SF3B2: variants seen among roughly 807,000 people sequenced by gnomAD.
SF3B2 encodes the protein SAP 145.
A neutral mutation model predicts 116.3 loss-of-function variants in SF3B2; 22 were observed. That is an observed-to-expected ratio of 0.19 (90% CI 0.14 to 0.27). The LOEUF is 0.27. SF3B2 is among the 10% of genes least tolerant of loss of function. The pLI is 1.00. For missense variants in SF3B2, 767 were observed against 1,151.4 expected (o/e 0.67, Z 4.83); for synonymous variants, 406 against 421.6 (o/e 0.96, Z 0.45).
intron 7 of SF3B2, among the ~76,000 whole-genome samples, chr11:66,057,711 C>G (rs1857026178): frequency 6.6e-6 from 1 of 150,576 alleles, no homozygotes; most frequent in Admixed American, 6.6e-5. Flanking sequence ...TGCGGTGGCT[C>G]ACACCTGTAA....
chr11:66,062,384 C>G (rs999762138), intron 16 of SF3B2, among the ~76,000 whole-genome samples: 2 of 151,630 alleles, frequency 1.3e-5, no homozygotes, highest in African/African-American at 4.8e-5. Context: ...CACCTGTAAT[C>G]CCAGCACTTT....
rs1187320550 is a variant in SF3B2, at chr11:66,052,699, C to T, written c.160C>T (p.Leu54=). The stretch of plus-strand genomic sequence containing the variant: ...TAATCGCGAGGAGCTGGTGGAGCGG[C>T]TGCAGAGCTACACCCGCCAGGTAGG... ...QGNREELVER[L]QSYTRQTGIV... Residue 54 remains leucine (L), a synonymous_variant, in exon 2 of 22, where the codon CTG becomes TTG. Transcript: ENST00000322535. The T allele has an allele frequency of 6.3e-7, 1 of 1,585,892 alleles. No homozygotes were observed. The highest frequency in any genetic ancestry group is 1.4e-5 in the African/African-American group (1 of 73,800).
Position 66,055,590 on chromosome 11 carries a change from T to A in SF3B2, c.549+5T>A. The A allele has an allele frequency of 6.2e-7, 1 of 1,614,068 alleles. No individual in the cohort carries two copies. The highest frequency in any genetic ancestry group is 8.5e-7 in the Non-Finnish European group (1 of 1,179,922). The stretch of plus-strand genomic sequence containing the variant: ...CTCTTGGAGCAGCAGAAGCGGGTAA[T>A]ACCCCTCCCCCTAACCTTTGACCTC... On this transcript the variant is annotated splice_donor_5th_base_variant and intron_variant, in intron 5 of 21. Transcript: ENST00000322535.
At chr11:66,060,506 T>C in intron 13 of SF3B2, 76 bp from the exon 14 acceptor site, 1 of 1,549,736 alleles carries the variant, frequency 6.5e-7, no homozygotes, top group Non-Finnish European at 8.8e-7. Flanking sequence ...ATGATCTCAT[T>C]TGGAGTTGGG....
intron 18 of SF3B2, 34 bp from the exon 19 acceptor site, chr11:66,063,594 C>T (rs1857132784): frequency 6.2e-7 from 1 of 1,610,166 alleles, no homozygotes; most frequent in Non-Finnish European, 8.5e-7. Flanking sequence ...TGGGGTCCTT[C>T]TCTTTACTCC....
At chr11:66,056,784 G>A (rs1348375350) in intron 5 of SF3B2, 54 bp from the exon 6 acceptor site, 1 of 1,348,374 alleles carries the variant, frequency 7.4e-7, no homozygotes, top group Non-Finnish European at 1.1e-6. Context: ...TTTGCCAGGG[G>A]CTGCCTGCCA....
chr11:66,056,171 G>A (rs1856990003), intron 5 of SF3B2, among the ~76,000 whole-genome samples: 1 of 152,184 alleles, frequency 6.6e-6, no homozygotes, highest in African/African-American at 2.4e-5. Flanking sequence ...GGAGGCTGAG[G>A]TGGGTGGATC....
intron 13 of SF3B2, 107 bp from the exon 14 acceptor site, chr11:66,060,475 G>A: frequency 2.3e-6 from 3 of 1,319,476 alleles, no homozygotes; most frequent in Non-Finnish European, 2.1e-6. Context: ...GACTTTCAGG[G>A]TGAGATAATT....
chr11:66,061,322 CTT>C (rs764791112), intron 14 of SF3B2, among the ~76,000 whole-genome samples: 5 of 152,124 alleles, frequency 3.3e-5, no homozygotes, highest in Non-Finnish European at 7.4e-5. Context: ...TTTTAGGAAA[CTT>C]TTAATATTGG....
chr11:66,057,332 G>A lies in SF3B2; in HGVS notation c.734G>A (p.Arg245Gln), dbSNP rs886612846. The A allele has an allele frequency of 3.1e-6, 5 of 1,599,796 alleles. No individual in the cohort carries two copies. Among genetic ancestry groups the A allele is most frequent in the South Asian group, 1.1e-5 (1 of 90,822 alleles). The change falls in exon 7 of 22, where the codon CGG becomes CAG. Residue 245 changes from arginine to glutamine, a missense_variant. Transcript: ENST00000322535. ...TVLPMGAPVP[R>Q]PRGPPPPPGD... ...TTGCCCATGGGAGCCCCTGTTCCCC[G>A]GCCTCGTGGTCCCCCACCGCCCCCT...
intron 5 of SF3B2, 71 bp from the exon 6 acceptor site, chr11:66,056,765 AAG>A (rs2135041220): frequency 8.7e-7 from 1 of 1,144,774 alleles, no homozygotes; most frequent in African/African-American, 1.5e-5. Flanking sequence ...ACCCGGCTGA[AAG>A]AATGCATTTG....
chr11:66,063,361 T>C, intron 17 of SF3B2, 39 bp from the exon 18 acceptor site: 1 of 1,581,188 alleles, frequency 6.3e-7, no homozygotes, highest in Non-Finnish European at 8.6e-7. Flanking sequence ...AATAGGTACT[T>C]AGAAAACATT....
chr11:66,055,141 C>G lies in SF3B2; in HGVS notation c.324C>G (p.Pro108=). ...GLPPLQPPPP[P]PPPPPGLGLG... Reference sequence around the variant, plus strand: ...CCCCTCTGCAGCCTCCTCCGCCACCCCCACCACCTCCACCAGGCCTTGGCC... The same window carrying G: ...CCCCTCTGCAGCCTCCTCCGCCACCGCCACCACCTCCACCAGGCCTTGGCC... Residue 108 remains proline, a synonymous_variant, in exon 4 of 22, where the codon CCC becomes CCG. Coordinates refer to ENST00000322535, the MANE Select transcript of SF3B2 (RefSeq NM_006842.3). 6.3e-7 allele frequency: 1 copy of G among 1,582,722 alleles called. No individual in the cohort carries two copies. Among genetic ancestry groups the G allele is most frequent in the African/African-American group, 1.3e-5 (1 of 74,322 alleles).
In SF3B2 at chr11:66,057,326, T is replaced by G; in HGVS notation, c.728T>G (p.Val243Gly). The G allele has an allele frequency of 6.2e-7, 1 of 1,605,866 alleles. No homozygotes were observed. Among genetic ancestry groups the G allele is most frequent in the Non-Finnish European group, 8.5e-7 (1 of 1,172,488 alleles). Residue 243 changes from valine to glycine, a missense_variant, in exon 7 of 22, where the codon GTT (valine) becomes GGT (glycine). Coordinates refer to ENST00000322535, the MANE Select transcript of SF3B2 (RefSeq NM_006842.3). ...TPTVLPMGAP[V>G]PRPRGPPPPP... Reference sequence around the variant, plus strand: ...ACAGTTTTGCCCATGGGAGCCCCTGTTCCCCGGCCTCGTGGTCCCCCACCG... The same window carrying G: ...ACAGTTTTGCCCATGGGAGCCCCTGGTCCCCGGCCTCGTGGTCCCCCACCG...
In SF3B2 at chr11:66,052,659, A is replaced by G; in HGVS notation, c.134-14A>G. Reference sequence around the variant, plus strand: ...GGCTGGCCTGCCCCATTGATCGTGTACTTTGCCCTGCAGGTAATCGCGAGG... The same window carrying G: ...GGCTGGCCTGCCCCATTGATCGTGTGCTTTGCCCTGCAGGTAATCGCGAGG... On this transcript the variant is annotated splice_polypyrimidine_tract_variant and intron_variant, in intron 1 of 21. Transcript: ENST00000322535. The G allele has an allele frequency of 6.3e-7, 1 of 1,597,308 alleles. No individual in the cohort carries two copies. The highest frequency in any genetic ancestry group is 2.2e-5 in the East Asian group (1 of 44,764).
Position 66,068,790 on chromosome 11 carries a change from T to C in SF3B2, c.*45T>C. ...TTTTTTGGCCCTACGTCTGGATGCC[T>C]GGGCTTCACACAAGAACCACCTCTC... On this transcript the variant is annotated 3_prime_UTR_variant, in exon 22 of 22. Transcript: ENST00000322535. 6.8e-7 allele frequency: 1 copy of C among 1,479,144 alleles called. No homozygotes were observed. Among genetic ancestry groups the C allele is most frequent in the South Asian group, 1.1e-5 (1 of 88,070 alleles). 91.6% of individuals were successfully genotyped at this position (1,479,144 alleles called of 1,614,324 possible).
In SF3B2 at chr11:66,061,878, CTT is replaced by C; in HGVS notation, c.1870-9_1870-8del. The stretch of plus-strand genomic sequence containing the variant: ...GGTTTGGCAGATGGTATCCTGTTCT[CTT>C]TTTCCTGCAGAATGCCCACAAGGTC... On this transcript the variant is annotated splice_polypyrimidine_tract_variant and intron_variant, in intron 15 of 21. Transcript: ENST00000322535. 1 of 1,611,388 alleles carries C rather than the reference CTT, an allele frequency of 6.2e-7. No individual in the cohort carries two copies.
In SF3B2 at chr11:66,052,379, G is replaced by A; in HGVS notation, c.-6G>A. On this transcript the variant is annotated 5_prime_UTR_variant, in exon 1 of 22. Coordinates refer to ENST00000322535, the MANE Select transcript of SF3B2 (RefSeq NM_006842.3). ...CGGGTTGGTCGCGCGCCTTCCTGCG[G>A]CTAAGATGGCGACGGAGCATCCCGA... 1 of 1,609,178 alleles carries A rather than the reference G, an allele frequency of 6.2e-7. No homozygotes were observed. Among genetic ancestry groups the A allele is most frequent in the East Asian group, 2.2e-5 (1 of 44,642 alleles).
At position 66,059,432 on chromosome 11, in the gene SF3B2, T is replaced by C. The variant is rs1448953638; in HGVS notation, c.1321-83T>C. The C allele has an allele frequency of 3.1e-6, 5 of 1,609,250 alleles. No homozygotes were observed. Among genetic ancestry groups the C allele is most frequent in the Non-Finnish European group, 4.3e-6 (5 of 1,176,024 alleles). On this transcript the variant is annotated intron_variant, in intron 11 of 21. Transcript: ENST00000322535. The surrounding 1 kb of genome is among the most constrained non-coding windows in gnomAD (Gnocchi z 5.0). ...GGACCATGGTGAACTCTTACAGAGC[T>C]TTGGTGGCTTAAGGTTGGGGTGGGT...
Sources: gnomAD v4.1 joint callset for allele counts (sites outside exome capture counted in the v4.1 genomes callset) on GRCh38, gnomAD v4.1.1 for gene constraint, Gnocchi (gnomAD v3.1) non-coding constraint, MANE v1.5 for transcripts, NCBI Gene and HGNC (gene_info 2026-07-23, HGNC 2026-07-21) for gene names.